Variants in PUM1 observed in about 807,000 individuals in gnomAD.
PUM1 encodes the protein pumilio homolog 1.
In PUM1, 13 loss-of-function variants were observed where a neutral mutation model predicts 131.8. That is an observed-to-expected ratio of 0.10 (90% CI 0.06 to 0.16). The LOEUF (loss-of-function observed/expected upper bound fraction) is 0.16. Ranked by LOEUF, PUM1 falls within the 10% of genes least tolerant of loss-of-function variation. The probability of loss-of-function intolerance (pLI) is 1.00; values close to 1 mark genes in which losing one functional copy is unlikely to be tolerated. For missense variants in PUM1, 961 were observed against 1,512.4 expected (o/e 0.64, Z 6.05); for synonymous variants, 509 against 556.5 (o/e 0.91, Z 1.20).
intron 2 of PUM1, among the ~76,000 whole-genome samples, chr1:31,038,982 A>ATTTTTTT (rs1172043445): frequency 7.1e-5 from 2 of 27,978 alleles, no homozygotes; most frequent in African/African-American, 3.4e-4. Context: ...ATATATATAT[A>ATTTTTTT]TATTTTTTTT....
intron 2 of PUM1, among the ~76,000 whole-genome samples, chr1:31,034,424 G>A (rs1423673378): frequency 1.3e-5 from 2 of 152,122 alleles, no homozygotes; most frequent in Non-Finnish European, 2.9e-5. Context: ...AGTTTCACTC[G>A]AGGTCAGCAG....
intron 10 of PUM1, among the ~76,000 whole-genome samples, chr1:30,970,156 T>C (rs188034050): frequency 6.6e-6 from 1 of 152,332 alleles, no homozygotes; most frequent in Admixed American, 6.5e-5. Context: ...TGTACAGTTC[T>C]TATCAGATCA....
chr1:30,969,306 A>AAC (rs762813651), intron 10 of PUM1, among the ~76,000 whole-genome samples: 22 of 143,586 alleles, frequency 1.5e-4, no homozygotes, highest in East Asian at 4.0e-4. Flanking sequence ...TCCATTTCAA[A>AAC]ACACACACAC....
At chr1:31,034,049 T>C (rs915114549) in intron 2 of PUM1, among the ~76,000 whole-genome samples, 1 of 152,250 alleles carries the variant, frequency 6.6e-6, no homozygotes, top group African/African-American at 2.4e-5. Flanking sequence ...TATCCATTTT[T>C]CAAGCAGGTA....
chr1:31,047,131 G>C (rs767152918), intron 2 of PUM1, among the ~76,000 whole-genome samples: 1 of 152,140 alleles, frequency 6.6e-6, no homozygotes, highest in Non-Finnish European at 1.5e-5. Context: ...GGAAGCTGTG[G>C]TAAGCCGAGA....
chr1:31,057,804 G>A (rs1031460235), intron 2 of PUM1, among the ~76,000 whole-genome samples: 1 of 151,242 alleles, frequency 6.6e-6, no homozygotes, highest in African/African-American at 2.4e-5. Context: ...CAGACTTGCA[G>A]GTATGTTTGT....
At chr1:31,045,427 C>T (rs963222040) in intron 2 of PUM1, among the ~76,000 whole-genome samples, 4 of 152,106 alleles carry the variant, frequency 2.6e-5, no homozygotes, top group African/African-American at 9.7e-5. Context: ...GCTTGAGCCA[C>T]TGCACTGGCC....
intron 17 of PUM1, among the ~76,000 whole-genome samples, chr1:30,947,370 T>C (rs1639719969): frequency 6.6e-6 from 1 of 152,232 alleles, no homozygotes; most frequent in African/African-American, 2.4e-5. Context: ...ACACCTATGA[T>C]CTTACTACTA....
intron 8 of PUM1, 111 bp downstream of exon 8, chr1:30,981,201 G>C: frequency 1.7e-6 from 1 of 602,390 alleles, no homozygotes; most frequent in Non-Finnish European, 2.8e-6. Flanking sequence ...CTGTCTGAGG[G>C]ATTTGTCTGA....
At chr1:30,941,032 A>C in intron 20 of PUM1, 119 bp downstream of exon 20, 1 of 1,180,824 alleles carries the variant, frequency 8.5e-7, no homozygotes, top group Admixed American at 2.6e-5. Context: ...TTGACTTTTA[A>C]GCTATATATA....
At chr1:30,993,111 A>G (rs576781060) in intron 6 of PUM1, among the ~76,000 whole-genome samples, 2 of 152,294 alleles carry the variant, frequency 1.3e-5, no homozygotes, top group South Asian at 2.1e-4. Flanking sequence ...TCTTCCTGGC[A>G]TATTTGTGAG....
Position 31,005,794 on chromosome 1 carries a change from AG to A in PUM1, c.720+58del. 1.0e-4 allele frequency: 10 copies of A among 98,832 alleles called. 1 individual carries two copies. Among genetic ancestry groups the A allele is most frequent in the Admixed American group, 2.5e-4 (1 of 3,974 alleles). 6.1% of individuals were successfully genotyped at this position (98,832 alleles called of 1,614,324 possible). A position where few individuals can be genotyped will look rare whatever the true frequency, so the allele number is the denominator to read the frequency against. On this transcript the variant is annotated intron_variant, in intron 5 of 21. Coordinates refer to ENST00000426105, the MANE Select transcript of PUM1 (RefSeq NM_001020658.2). ...ATGTTTTGCTTTAGGGGAAAAAAAGAGAGAGAGAGAGAGAGAGAGAGAGAGA... is the reference window on the plus strand; with the variant it reads ...ATGTTTTGCTTTAGGGGAAAAAAAGAAGAGAGAGAGAGAGAGAGAGAGAGA...
chr1:30,957,312 C>T (rs766283616), intron 14 of PUM1, among the ~76,000 whole-genome samples: 15 of 152,070 alleles, frequency 9.9e-5, no homozygotes, highest in South Asian at 2.1e-4. Flanking sequence ...GAAAAAAATG[C>T]GTGACAAATA....
At chr1:31,009,776 A>ACAAAACAAAAAC (rs1553150230) in intron 3 of PUM1, among the ~76,000 whole-genome samples, 5 of 62,170 alleles carry the variant, frequency 8.0e-5, no homozygotes, top group African/African-American at 7.2e-4. Context: ...TCAAAAAAAA[A>ACAAAACAAAAAC]AAAAAAAAAA....
intron 7 of PUM1, among the ~76,000 whole-genome samples, chr1:30,988,260 T>C (rs1325223221): frequency 2.0e-5 from 3 of 152,310 alleles, no homozygotes; most frequent in South Asian, 2.1e-4. Flanking sequence ...CAAAATCCCA[T>C]GTCACAGCTA....
intron 2 of PUM1, among the ~76,000 whole-genome samples, chr1:31,055,853 A>C (rs2124597852): frequency 6.6e-6 from 1 of 152,330 alleles, no homozygotes; most frequent in South Asian, 2.1e-4. Context: ...CCTAGCAAAG[A>C]ACCTGCCAGG....
At chr1:30,996,560 T>TA (rs1641986989) in intron 5 of PUM1, among the ~76,000 whole-genome samples, 1 of 152,056 alleles carries the variant, frequency 6.6e-6, no homozygotes, top group African/African-American at 2.4e-5. Flanking sequence ...AAAGATAATA[T>TA]AAAAAAAGAA....
chr1:30,945,510 A>T, intron 17 of PUM1, 27 bp from the exon 18 acceptor site: 1 of 1,613,346 alleles, frequency 6.2e-7, no homozygotes, highest in Non-Finnish European at 8.5e-7. Context: ...AAGCACCACC[A>T]GAATCACAGC....
intron 14 of PUM1, 137 bp from the exon 15 acceptor site, chr1:30,954,118 C>T: frequency 1.1e-6 from 1 of 927,088 alleles, no homozygotes; most frequent in Middle Eastern, 3.4e-4. Flanking sequence ...CAAGACAATT[C>T]TATTAGCGTC....
Sources: gnomAD v4.1 joint callset for allele counts (sites outside exome capture counted in the v4.1 genomes callset) on GRCh38, gnomAD v4.1.1 for gene constraint, MANE v1.5 for transcripts, NCBI Gene and HGNC (gene_info 2026-07-23, HGNC 2026-07-21) for gene names.